ITGB6: variants seen among roughly 807,000 people sequenced by gnomAD.
ITGB6 encodes the protein integrin beta-6.
In ITGB6, 80 loss-of-function variants were observed where a neutral mutation model predicts 84.5. The observed-to-expected ratio is 0.95, with a 90% CI of 0.79 to 1.14. The LOEUF (loss-of-function observed/expected upper bound fraction) is 1.14. ITGB6 is among the 50% of genes most tolerant of loss of function. The probability of loss-of-function intolerance (pLI) is 0.00; values close to 1 mark genes in which losing one functional copy is unlikely to be tolerated. For missense variants in ITGB6, 1,006 were observed against 968.0 expected (o/e 1.04, Z -0.52); for synonymous variants, 383 against 354.9 (o/e 1.08, Z -0.89).
Position 160,100,433 on chromosome 2 carries a change from C to T in ITGB6, c.*1303G>A, listed in dbSNP as rs1335837975. 1 of 152,206 alleles carries T rather than the reference C, an allele frequency of 6.6e-6. No homozygotes were observed. Among genetic ancestry groups the T allele is most frequent in the African/African-American group, 2.4e-5 (1 of 41,456 alleles). The allele number at this position is 152,206 out of a possible 1,614,324, so 9.4% of individuals were successfully genotyped here. Reference sequence around the variant, plus strand: ...CTAACACAATCTTTCTATTATTTCACTGACAAAAGAGGCAGTTTCCTGCAG... The same window carrying T: ...CTAACACAATCTTTCTATTATTTCATTGACAAAAGAGGCAGTTTCCTGCAG... On this transcript the variant is annotated 3_prime_UTR_variant, in exon 15 of 15. Transcript: ENST00000283249.
At chr2:160,139,821 G>T (rs112023776) in intron 8 of ITGB6, among the ~76,000 whole-genome samples, 1 of 152,130 alleles carries the variant, frequency 6.6e-6, no homozygotes, top group Non-Finnish European at 1.5e-5. Context: ...ACAAACAGAG[G>T]AACTTATCCT....
intron 4 of ITGB6, among the ~76,000 whole-genome samples, chr2:160,184,384 A>G (rs534767893): frequency 5.3e-5 from 8 of 152,226 alleles, no homozygotes; most frequent in Admixed American, 1.3e-4. Context: ...TCTAGAAGAA[A>G]TGGATACATT....
intron 4 of ITGB6, among the ~76,000 whole-genome samples, chr2:160,177,304 C>T (rs868855861): frequency 1.3e-5 from 2 of 152,086 alleles, no homozygotes; most frequent in South Asian, 2.1e-4. Context: ...CTGTGGCTCA[C>T]GCCTGTAATC....
At chr2:160,175,115 G>C (rs1041107000) in intron 4 of ITGB6, among the ~76,000 whole-genome samples, 80 of 152,198 alleles carry the variant, frequency 5.3e-4, no homozygotes, top group African/African-American at 1.9e-3. Context: ...GTGCTGCCTG[G>C]GGATGAACTG....
chr2:160,180,743 A>T (rs572115568), intron 4 of ITGB6, among the ~76,000 whole-genome samples: 4 of 152,330 alleles, frequency 2.6e-5, no homozygotes, highest in South Asian at 2.1e-4. Context: ...TCCCAGTGAG[A>T]TCAACGCAGA....
intron 5 of ITGB6, 101 bp from the exon 6 acceptor site, chr2:160,172,831 AT>A: frequency 1.2e-6 from 1 of 849,582 alleles, no homozygotes; most frequent in Non-Finnish European, 1.9e-6. Context: ...TAAAAATAAT[AT>A]TGCTAGTCTA....
intron 12 of ITGB6, among the ~76,000 whole-genome samples, chr2:160,121,165 T>A (rs538150207): frequency 6.6e-6 from 1 of 152,166 alleles, no homozygotes; most frequent in South Asian, 2.1e-4. Flanking sequence ...TAGTTAGCAG[T>A]TTTCAAAAAA....
At chr2:160,179,033 A>G (rs890281162) in intron 4 of ITGB6, 28 of 152,150 alleles carry the variant, frequency 1.8e-4, no homozygotes, top group African/African-American at 5.8e-4. Flanking sequence ...TAGCCTACCA[A>G]TTAAAAGAAA....
At chr2:160,168,747 A>G (rs75254764) in intron 7 of ITGB6, among the ~76,000 whole-genome samples, 2,284 of 152,160 alleles carry the variant, frequency 0.015, 59 homozygotes, top group African/African-American at 0.052. Flanking sequence ...TTTTCCTTTA[A>G]CTTTCCAATT....
At chr2:160,199,099 A>G in intron 2 of ITGB6, 80 bp downstream of exon 2, 3 of 1,171,556 alleles carry the variant, frequency 2.6e-6, no homozygotes, top group Non-Finnish European at 3.8e-6. Flanking sequence ...GCAAGTCACT[A>G]TCAGAAATAT....
Position 160,112,188 on chromosome 2 carries a change from C to G in ITGB6, c.1993G>C (p.Asp665His). Residue 665 changes from aspartate to histidine, a missense_variant, in exon 13 of 15, where the codon GAT becomes CAT. By Grantham distance (81) the Asp-to-His change is moderately conservative. Transcript: ENST00000283249. ...TGCAGAGAGCAGGAAACAGAACCAT[C>G]CTTTGAGAAATCTGCAGATAAAGGA... Reference protein sequence around the residue: ...TISEEEDFSKDGSVSCSLQGE... With the variant: ...TISEEEDFSKHGSVSCSLQGE... 6.2e-7 allele frequency: 1 copy of G among 1,611,214 alleles called. No homozygotes were observed. Among genetic ancestry groups the G allele is most frequent in the Non-Finnish European group, 8.5e-7 (1 of 1,178,846 alleles).
intron 4 of ITGB6, among the ~76,000 whole-genome samples, chr2:160,182,941 C>T (rs1255426644): frequency 2.6e-5 from 4 of 152,288 alleles, no homozygotes; most frequent in East Asian, 3.9e-4. Flanking sequence ...CAAGCAAATG[C>T]TGAGAGATTT....
chr2:160,158,640 G>A (rs564806873), intron 7 of ITGB6, among the ~76,000 whole-genome samples: 6 of 152,278 alleles, frequency 3.9e-5, no homozygotes, highest in Admixed American at 1.3e-4. Context: ...CAGGCCAAAC[G>A]GCAGGTAATA....
chr2:160,124,973 G>T (rs1306126154), intron 11 of ITGB6, among the ~76,000 whole-genome samples: 1 of 152,194 alleles, frequency 6.6e-6, no homozygotes, highest in Non-Finnish European at 1.5e-5. Flanking sequence ...GATTGTGGAA[G>T]CTCTTAATAT....
At position 160,174,026 on chromosome 2, in the gene ITGB6, A is replaced by G; in HGVS notation, c.707T>C (p.Ile236Thr). 1.9e-6 allele frequency: 3 copies of G among 1,613,810 alleles called. No homozygotes were observed. Among genetic ancestry groups the G allele is most frequent in the East Asian group, 2.2e-5 (1 of 44,862 alleles). Residue 236 changes from isoleucine (I) to threonine (T), a missense_variant, in exon 5 of 15, where the codon ATT (isoleucine) becomes ACT (threonine). Ile to Thr is a moderately conservative substitution (Grantham distance 89). Transcript: ENST00000283249. ...IVKNQKISAN[I>T]DTPEGGFDAI... is the part of the protein sequence containing the mutation. ...ATCAAATCCACCTTCGGGTGTGTCA[A>G]TATTAGCAGAAATTTTCTGATTCTT...
At chr2:160,146,899 G>A (rs776910367) in intron 7 of ITGB6, among the ~76,000 whole-genome samples, 6 of 151,928 alleles carry the variant, frequency 3.9e-5, no homozygotes, top group South Asian at 2.1e-4. Context: ...CCAGGGGTTC[G>A]AGACCAGCCA....
Position 160,195,552 on chromosome 2 carries a change from T to A in ITGB6, c.410A>T (p.Tyr137Phe). ...QTEDYPVDLY[Y>F]LMDLSASMDD... ...CATGGAGGCGGAGAGGTCCATGAGG[T>A]AATACAAATCCACCGGGTAGTCCTC... The change falls in exon 4 of 15, where the codon TAC becomes TTC. Residue 137 changes from tyrosine (Y) to phenylalanine (F), a missense_variant. Coordinates refer to ENST00000283249, the MANE Select transcript of ITGB6 (RefSeq NM_000888.5). The A allele has an allele frequency of 6.2e-7, 1 of 1,614,064 alleles. No individual in the cohort carries two copies.
chr2:160,124,797 T>C (rs1240526689), intron 11 of ITGB6, among the ~76,000 whole-genome samples: 2 of 152,178 alleles, frequency 1.3e-5, no homozygotes, highest in African/African-American at 4.8e-5. Context: ...CACTAAACCT[T>C]AGACCAATCA....
At position 160,197,619 on chromosome 2, in the gene ITGB6, T is replaced by C. The variant is rs1185090335; in HGVS notation, c.142-1199A>G. Reference sequence around the variant, plus strand: ...TGCTGTTTTCATCAACTAGGAAAGTTAGATTTCTTCTGAAATTGATTTTGA... The same window carrying C: ...TGCTGTTTTCATCAACTAGGAAAGTCAGATTTCTTCTGAAATTGATTTTGA... On this transcript the variant is annotated intron_variant, in intron 2 of 14. Transcript: ENST00000283249. 5.3e-5 allele frequency among the ~76,000 whole-genome samples: 8 copies of C among 152,374 alleles called. No homozygotes were observed. The East Asian group carries it at 1.5e-3, about 29-fold the overall frequency.
Sources: gnomAD v4.1 joint callset for allele counts (sites outside exome capture counted in the v4.1 genomes callset) on GRCh38, gnomAD v4.1.1 for gene constraint, MANE v1.5 for transcripts, NCBI Gene and HGNC (gene_info 2026-07-23, HGNC 2026-07-21) for gene names.